The following EPS8 variants were observed in gnomAD, a reference collection of about 807,000 sequenced individuals.
EPS8 encodes the protein epidermal growth factor receptor kinase substrate 8.
Under a neutral mutation model 103.8 loss-of-function variants are expected in EPS8, and 42 were observed. The ratio of observed to expected loss-of-function variants is 0.40; its 90% confidence interval spans 0.32 to 0.52. The LOEUF (loss-of-function observed/expected upper bound fraction) is 0.52, where lower values mean the gene tolerates loss of function less well. Ranked by LOEUF, EPS8 falls within the 20% of genes least tolerant of loss-of-function variation. The pLI, the probability that EPS8 is intolerant of heterozygous loss-of-function variation, is 0.40. For missense variants in EPS8, 969 were observed against 1,005.1 expected (o/e 0.96, Z 0.49); for synonymous variants, 344 against 344.6 (o/e 1.00, Z 0.02).
At chr12:15,630,714 T>G (rs1945030367) in intron 18 of EPS8, among the ~76,000 whole-genome samples, 1 of 151,844 alleles carries the variant, frequency 6.6e-6, no homozygotes, top group Non-Finnish European at 1.5e-5. Flanking sequence ...AGGAAGGTTA[T>G]GATGATGATG....
chr12:15,705,802 A>C (rs1946378227), intron 1 of EPS8, among the ~76,000 whole-genome samples: 1 of 152,204 alleles, frequency 6.6e-6, no homozygotes, highest in Non-Finnish European at 1.5e-5. Context: ...AACTCTTAGC[A>C]AACACTAACC....
intron 6 of EPS8, among the ~76,000 whole-genome samples, chr12:15,668,648 T>C (rs952877891): frequency 2.6e-5 from 4 of 152,214 alleles, no homozygotes; most frequent in Non-Finnish European, 5.9e-5. Flanking sequence ...ATCTGGGAAT[T>C]ACAAATCCTG....
chr12:15,724,205 A>G (rs1946628324), intron 1 of EPS8, among the ~76,000 whole-genome samples: 1 of 152,144 alleles, frequency 6.6e-6, no homozygotes, highest in African/African-American at 2.4e-5. Context: ...ATATCACCAA[A>G]AAGTCTTCTT....
chr12:15,648,991 C>T (rs763350868), intron 14 of EPS8, among the ~76,000 whole-genome samples: 6 of 152,108 alleles, frequency 3.9e-5, no homozygotes, highest in African/African-American at 7.2e-5. Context: ...GGGATGATTA[C>T]GTTTTTTTGC....
At position 15,693,099 on chromosome 12, in the gene EPS8, T is replaced by C. The variant is rs930123124; in HGVS notation, c.-21-10127A>G. ...TGGCAAGAAAGTCAGTGTCCATGGG[T>C]GGGGCTTGTGAACAAGTGGGCTTCA... On this transcript the variant is annotated intron_variant, in intron 1 of 20. Transcript: ENST00000281172. The surrounding 1 kb of genome is among the most constrained non-coding windows in gnomAD (Gnocchi z 5.6). 2.6e-5 allele frequency among the ~76,000 whole-genome samples: 4 copies of C among 152,182 alleles called. No individual in the cohort carries two copies. Among genetic ancestry groups the C allele is most frequent in the African/African-American group, 9.6e-5 (4 of 41,524 alleles).
At chr12:15,633,122 C>T (rs949381763) in intron 17 of EPS8, among the ~76,000 whole-genome samples, 4 of 152,010 alleles carry the variant, frequency 2.6e-5, no homozygotes, top group African/African-American at 9.7e-5. Context: ...AGTTGCTAAT[C>T]CCCTTAGCAT....
chr12:15,748,974 T>C lies in EPS8; in HGVS notation c.-22+40187A>G, dbSNP rs983211331. Among the ~76,000 whole-genome samples the C allele has an allele frequency of 7.9e-5, 12 of 152,214 alleles. No individual in the cohort carries two copies. Among genetic ancestry groups the C allele is most frequent in the Admixed American group, 3.9e-4 (6 of 15,288 alleles). On this transcript the variant is annotated intron_variant, in intron 1 of 20. Transcript: ENST00000281172. This position sits in a 1 kb window ranked among gnomAD's most constrained non-coding sequence, Gnocchi z 4.8. ...ACTTTATGTACTTGTCAAATGTTAA[T>C]GTTAAACTCCAGCAAAAGCAAATAC...
In EPS8 at chr12:15,772,930, A is replaced by G. The variant is rs1947169220; in HGVS notation, c.-22+16231T>C. Among the ~76,000 whole-genome samples the G allele has an allele frequency of 6.6e-6, 1 of 152,216 alleles. No individual in the cohort carries two copies. Among genetic ancestry groups the G allele is most frequent in the Admixed American group, 6.5e-5 (1 of 15,282 alleles). On this transcript the variant is annotated intron_variant, in intron 1 of 20. Transcript: ENST00000281172. This position sits in a 1 kb window ranked among gnomAD's most constrained non-coding sequence, Gnocchi z 5.0. ...GTTTACAGGTAAATGCTACAGCAAA[A>G]TCAAGTAAAAACTAAACATTTTCCT...
intron 1 of EPS8, among the ~76,000 whole-genome samples, chr12:15,708,133 C>G (rs1946413332): frequency 6.6e-6 from 1 of 152,168 alleles, no homozygotes; most frequent in South Asian, 2.1e-4. Flanking sequence ...GTGAAAGCTA[C>G]TTATCTGTAA....
intron 14 of EPS8, among the ~76,000 whole-genome samples, chr12:15,648,414 C>A (rs1362228049): frequency 6.6e-6 from 1 of 152,020 alleles, no homozygotes; most frequent in East Asian, 1.9e-4. Context: ...ATATGGTTAC[C>A]ACAGTTAATT....
intron 1 of EPS8, among the ~76,000 whole-genome samples, chr12:15,694,186 A>C (rs558868436): frequency 6.6e-6 from 1 of 152,314 alleles, no homozygotes; most frequent in Admixed American, 6.5e-5. Context: ...AGTCACCTCT[A>C]ATGTGAACTT....
chr12:15,750,679 G>A (rs1946922575), intron 1 of EPS8, among the ~76,000 whole-genome samples: 1 of 152,130 alleles, frequency 6.6e-6, no homozygotes, highest in Admixed American at 6.5e-5. Context: ...GAAAACAGTG[G>A]ATGCTTTTCA....
In EPS8 at chr12:15,713,091, C is replaced by A; in HGVS notation, c.-21-30119G>T. 6.8e-6 allele frequency: 4 copies of A among 588,812 alleles called. No homozygotes were observed. The highest frequency in any genetic ancestry group is 2.0e-5 in the African/African-American group (1 of 49,624). The allele number at this position is 588,812 out of a possible 1,614,324, so 36.5% of individuals were successfully genotyped here. On this transcript the variant is annotated intron_variant, in intron 1 of 20. Transcript: ENST00000281172. This position sits in a 1 kb window ranked among gnomAD's most constrained non-coding sequence, Gnocchi z 4.8. ...GTAAACACAGCTACCACTACACTTC[C>A]AACTCTTGCCTAAGATGATTTTTTT...
At chr12:15,669,882 T>C in intron 4 of EPS8, 57 bp from the exon 5 acceptor site, 2 of 1,300,156 alleles carry the variant, frequency 1.5e-6, no homozygotes, top group Non-Finnish European at 1.0e-6. Context: ...ATACAACCTC[T>C]TAGTATACAT....
chr12:15,728,913 A>C lies in EPS8; in HGVS notation c.-21-45941T>G, dbSNP rs998738764. Among the ~76,000 whole-genome samples the C allele has an allele frequency of 1.3e-5, 2 of 152,156 alleles. No individual in the cohort carries two copies. The highest frequency in any genetic ancestry group is 2.9e-5 in the Non-Finnish European group (2 of 68,018). ...ATATTTGTAAATCCATCTTTTTTAA[A>C]AACATTTCTTGTAAGGCACTGTGCT... On this transcript the variant is annotated intron_variant, in intron 1 of 20. Coordinates refer to ENST00000281172, the MANE Select transcript of EPS8 (RefSeq NM_004447.6). This position sits in a 1 kb window ranked among gnomAD's most constrained non-coding sequence, Gnocchi z 4.5.
intron 18 of EPS8, among the ~76,000 whole-genome samples, chr12:15,625,099 G>A (rs1191396795): frequency 6.6e-6 from 1 of 152,110 alleles, no homozygotes; most frequent in Non-Finnish European, 1.5e-5. Flanking sequence ...CTCACCTTGA[G>A]CTGATCTCAT....
chr12:15,691,866 G>A (rs1240241805), intron 1 of EPS8, among the ~76,000 whole-genome samples: 1 of 151,972 alleles, frequency 6.6e-6, no homozygotes, highest in Admixed American at 6.6e-5. Context: ...AACTCTTAGT[G>A]ATCCTATGTC....
chr12:15,687,012 G>A (rs1209454038), intron 1 of EPS8, among the ~76,000 whole-genome samples: 1 of 152,044 alleles, frequency 6.6e-6, no homozygotes, highest in Non-Finnish European at 1.5e-5. Context: ...TTACAACCAA[G>A]TGGGAGGGGG....
chr12:15,628,792 C>T (rs1253228591), intron 18 of EPS8, among the ~76,000 whole-genome samples: 1 of 151,974 alleles, frequency 6.6e-6, no homozygotes, highest in Non-Finnish European at 1.5e-5. Context: ...TTATTTTTAC[C>T]AGAAGTTTAG....
Sources: allele counts gnomAD v4.1 joint callset (sites outside exome capture counted in the v4.1 genomes callset), GRCh38; gene constraint gnomAD v4.1.1; non-coding constraint Gnocchi (gnomAD v3.1); transcripts MANE v1.5; gene names NCBI Gene and HGNC (gene_info 2026-07-23, HGNC 2026-07-21).